Variants in TENM1 observed in about 807,000 individuals in gnomAD.
TENM1 encodes the protein teneurin transmembrane protein 1.
In TENM1, 35 loss-of-function variants were observed where a neutral mutation model predicts 174.8. The observed-to-expected ratio is 0.20, with a 90% confidence interval of 0.15 to 0.27. The LOEUF is 0.27. TENM1 is among the 10% of genes least tolerant of loss of function. The probability of loss-of-function intolerance (pLI) is 1.00; values close to 1 mark genes in which losing one functional copy is unlikely to be tolerated. For synonymous variants in TENM1, 781 were observed against 798.7 expected, an observed-to-expected ratio of 0.98 and a Z score of 0.37; for missense variants, 1,633 against 2,130.1, an observed-to-expected ratio of 0.77 and a Z score of 4.59.
chrX:124,775,600 TCCTTTCAG>T (rs1369911873), intron 3 of TENM1, among the ~76,000 whole-genome samples: 1 of 112,134 alleles, frequency 8.9e-6, no homozygotes, highest in Non-Finnish European at 1.9e-5. Flanking sequence ...ACTTGGCTCT[TCCTTTCAG>T]CCTTTGGACA....
intron 1 of TENM1, among the ~76,000 whole-genome samples, chrX:124,897,371 C>T (rs2057580744): frequency 9.0e-6 from 1 of 111,488 alleles, no homozygotes; most frequent in South Asian, 3.8e-4. Flanking sequence ...CAGGATATGT[C>T]ATTTGGCTGG....
At chrX:125,182,748 C>A in the TENM1 span, among the ~76,000 whole-genome samples, 22 of 110,961 alleles carry the variant, frequency 2.0e-4, no homozygotes, top group African/African-American at 6.9e-4. Flanking sequence ...CCATGCCTGG[C>A]ACACTGTAGA....
chrX:125,107,677 T>C, the TENM1 span, among the ~76,000 whole-genome samples: 1 of 112,021 alleles, frequency 8.9e-6, no homozygotes, highest in Admixed American at 9.5e-5. Context: ...CTTTGCTAAA[T>C]GTTGGCTAGT....
At chrX:124,492,048 A>G (rs1280338443) in intron 20 of TENM1, among the ~76,000 whole-genome samples, 1 of 111,960 alleles carries the variant, frequency 8.9e-6, no homozygotes, top group Non-Finnish European at 1.9e-5. Context: ...TAAGGAAGAG[A>G]ACTACTAGAG....
intron 3 of TENM1, among the ~76,000 whole-genome samples, chrX:124,797,322 G>T (rs1472942248): frequency 1.8e-5 from 2 of 111,542 alleles, no homozygotes; most frequent in South Asian, 3.8e-4. Context: ...TTCTTTGAGG[G>T]GTTTTCCATA....
At chrX:124,518,073 C>T (rs972828568) in intron 18 of TENM1, among the ~76,000 whole-genome samples, 1 of 110,593 alleles carries the variant, frequency 9.0e-6, no homozygotes, top group Admixed American at 9.7e-5. Context: ...GGGAGAGCCA[C>T]CTAAGCACTG....
chrX:124,449,461 A>G (rs1264128477), intron 23 of TENM1, among the ~76,000 whole-genome samples: 1 of 112,435 alleles, frequency 8.9e-6, no homozygotes, highest in Non-Finnish European at 1.9e-5. Flanking sequence ...ACTAAGACAA[A>G]TAATTCTCTT....
chrX:125,196,951 G>A, the TENM1 span, among the ~76,000 whole-genome samples: 1 of 111,170 alleles, frequency 9.0e-6, no homozygotes, highest in African/African-American at 3.3e-5. Flanking sequence ...GGGGCATAGG[G>A]ATTGCAATAT....
chrX:124,745,900 T>C (rs1405325092), intron 3 of TENM1, among the ~76,000 whole-genome samples: 1 of 111,537 alleles, frequency 9.0e-6, no homozygotes, highest in African/African-American at 3.3e-5. Context: ...AGAACACTAC[T>C]GGCTGCCACC....
intron 15 of TENM1, among the ~76,000 whole-genome samples, chrX:124,531,426 A>G (rs2043473428): frequency 9.0e-6 from 1 of 111,715 alleles, no homozygotes; most frequent in African/African-American, 3.3e-5. Flanking sequence ...AAACCTCACT[A>G]CTAAATTCTG....
chrX:124,630,659 T>A (rs1016530669), intron 11 of TENM1, among the ~76,000 whole-genome samples: 5 of 111,863 alleles, frequency 4.5e-5, no homozygotes, highest in African/African-American at 6.5e-5. Context: ...CTGATTTGAG[T>A]GACCCAGAGA....
chrX:124,927,004 A>G (rs1039505179), intron 1 of TENM1, among the ~76,000 whole-genome samples: 1 of 112,271 alleles, frequency 8.9e-6, no homozygotes, highest in African/African-American at 3.2e-5. Flanking sequence ...TGACAAAAAG[A>G]CTATTAACTG....
chrX:124,696,098 G>C (rs2052642235), intron 5 of TENM1, among the ~76,000 whole-genome samples: 3 of 111,978 alleles, frequency 2.7e-5, no homozygotes, highest in Admixed American at 1.9e-4. Flanking sequence ...TCCTATGTTG[G>C]TAAATCTTAA....
At chrX:124,989,056 C>T in the TENM1 span, among the ~76,000 whole-genome samples, 2 of 111,296 alleles carry the variant, frequency 1.8e-5, no homozygotes, top group East Asian at 2.8e-4. Context: ...TGTTCCAGAC[C>T]ACACAATAAG....
the TENM1 span, among the ~76,000 whole-genome samples, chrX:125,012,762 A>G: frequency 8.9e-6 from 1 of 112,052 alleles, no homozygotes; most frequent in Non-Finnish European, 1.9e-5. Flanking sequence ...ATGAAGGCTA[A>G]TGGAAGGAAA....
chrX:124,665,212 T>C (rs1365198703), intron 6 of TENM1, among the ~76,000 whole-genome samples: 1 of 111,219 alleles, frequency 9.0e-6, no homozygotes, highest in African/African-American at 3.3e-5. Context: ...TGGTGGCACA[T>C]GCCTCTAATC....
chrX:125,022,448 T>C, the TENM1 span, among the ~76,000 whole-genome samples: 1 of 111,535 alleles, frequency 9.0e-6, no homozygotes, highest in Non-Finnish European at 1.9e-5. Context: ...CCAAAATATA[T>C]GGAATATATG....
chrX:125,142,302 G>C, the TENM1 span, among the ~76,000 whole-genome samples: 3 of 111,497 alleles, frequency 2.7e-5, no homozygotes, highest in South Asian at 1.1e-3. Flanking sequence ...ATTTTGAAAT[G>C]CAGTTTTTAA....
intron 3 of TENM1, among the ~76,000 whole-genome samples, chrX:124,745,420 G>A (rs1284538735): frequency 8.9e-6 from 1 of 111,792 alleles, no homozygotes; most frequent in Middle Eastern, 4.2e-3. Context: ...GTTCAGCAAT[G>A]CTCAGATATA....
Sources: gnomAD v4.1 joint callset for allele counts (sites outside exome capture counted in the v4.1 genomes callset) on GRCh38, gnomAD v4.1.1 for gene constraint, MANE v1.5 for transcripts, NCBI Gene and HGNC (gene_info 2026-07-23, HGNC 2026-07-21) for gene names.